COL24A1: variants seen among roughly 807,000 people sequenced by gnomAD.
COL24A1 encodes collagen alpha-1(XXIV) chain.
Under a neutral mutation model 253.9 loss-of-function variants are expected in COL24A1, and 224 were observed. The observed-to-expected ratio is 0.88, with a 90% CI of 0.79 to 0.99. The LOEUF is 0.99. Among genes scored for constraint, COL24A1 ranks in the 50% least tolerant of loss-of-function variants. The probability of loss-of-function intolerance (pLI) is 0.00; values close to 1 mark genes in which losing one functional copy is unlikely to be tolerated. For missense variants in COL24A1, 2,131 were observed against 2,068.5 expected (o/e 1.03, Z -0.59); for synonymous variants, 685 against 673.7 (o/e 1.02, Z -0.26).
chr1:85,840,076 T>C (rs1676434157), intron 42 of COL24A1, among the ~76,000 whole-genome samples: 1 of 152,160 alleles, frequency 6.6e-6, no homozygotes, highest in South Asian at 2.1e-4. Context: ...TTTAATTATT[T>C]AGAATCTTTG....
At chr1:85,802,134 C>T (rs1158280060) in intron 47 of COL24A1, among the ~76,000 whole-genome samples, 2 of 152,138 alleles carry the variant, frequency 1.3e-5, no homozygotes, top group Non-Finnish European at 2.9e-5. Context: ...TGTCCCCTTC[C>T]AATCCATTTA....
At chr1:86,009,363 A>G (rs1696289536) in intron 19 of COL24A1, among the ~76,000 whole-genome samples, 1 of 144,736 alleles carries the variant, frequency 6.9e-6, no homozygotes. Context: ...TGTTCTGAGA[A>G]ACATTTTGTC....
chr1:85,945,916 G>A (rs764055005), intron 24 of COL24A1, among the ~76,000 whole-genome samples: 1 of 152,138 alleles, frequency 6.6e-6, no homozygotes, highest in Non-Finnish European at 1.5e-5. Flanking sequence ...GGCAAAAAGA[G>A]TTAAGAGAGC....
At chr1:85,788,647 T>A (rs1177129651) in intron 47 of COL24A1, among the ~76,000 whole-genome samples, 1 of 152,222 alleles carries the variant, frequency 6.6e-6, no homozygotes, top group Non-Finnish European at 1.5e-5. Context: ...CCAGCCTAAG[T>A]CCTGAATAGT....
intron 7 of COL24A1, among the ~76,000 whole-genome samples, chr1:86,072,604 C>T (rs764449280): frequency 6.6e-6 from 1 of 152,150 alleles, no homozygotes; most frequent in East Asian, 1.9e-4. Flanking sequence ...AAGAGAGCAA[C>T]GGATCTCCCA....
intron 7 of COL24A1, among the ~76,000 whole-genome samples, chr1:86,066,676 A>G (rs1701515953): frequency 6.6e-6 from 1 of 152,166 alleles, no homozygotes. Flanking sequence ...TTTTACCACA[A>G]ACTAGCCATA....
intron 24 of COL24A1, among the ~76,000 whole-genome samples, chr1:85,927,036 T>C (rs748349214): frequency 3.4e-4 from 52 of 152,146 alleles, no homozygotes; most frequent in Admixed American, 1.8e-3. Flanking sequence ...TGTTTGGATA[T>C]GTTTGCCAAA....
At chr1:86,023,432 A>T (rs561780136) in intron 14 of COL24A1, among the ~76,000 whole-genome samples, 1 of 152,164 alleles carries the variant, frequency 6.6e-6, no homozygotes, top group African/African-American at 2.4e-5. Flanking sequence ...TTGAGGAGTT[A>T]CTATGTGCCA....
chr1:86,042,128 A>C (rs139629869), intron 12 of COL24A1, among the ~76,000 whole-genome samples: 140 of 152,286 alleles, frequency 9.2e-4, no homozygotes, highest in African/African-American at 3.2e-3. Flanking sequence ...GACTAATATT[A>C]ACTGTGATTA....
intron 19 of COL24A1, among the ~76,000 whole-genome samples, chr1:85,991,939 T>C (rs1224527718): frequency 6.6e-6 from 1 of 151,936 alleles, no homozygotes; most frequent in Non-Finnish European, 1.5e-5. Flanking sequence ...ACTTTAAGTT[T>C]TAGAGTACAT....
At chr1:86,112,231 A>G (rs1480392094) in intron 5 of COL24A1, among the ~76,000 whole-genome samples, 1 of 152,146 alleles carries the variant, frequency 6.6e-6, no homozygotes, top group Non-Finnish European at 1.5e-5. Context: ...ACAAATTAAA[A>G]CGACCTTAAT....
At chr1:85,840,229 TC>T (rs1676449617) in intron 42 of COL24A1, among the ~76,000 whole-genome samples, 2 of 152,158 alleles carry the variant, frequency 1.3e-5, no homozygotes, top group Non-Finnish European at 2.9e-5. Flanking sequence ...ACTACTATAC[TC>T]CTTTTGCCAA....
chr1:85,942,012 C>T (rs1688800753), intron 24 of COL24A1, among the ~76,000 whole-genome samples: 1 of 152,024 alleles, frequency 6.6e-6, no homozygotes, highest in East Asian at 1.9e-4. Context: ...GAAGTTCCCA[C>T]AGTGTACTTA....
In COL24A1 at chr1:86,124,587, C is replaced by T. The variant is rs1344772937; in HGVS notation, c.1491+258G>A. ...CTGAACAAGAAAAACAAATAGTTTG[C>T]CCACTACTTCACCAGAATTAAGTCA... is the stretch of plus-strand genomic sequence containing the variant. On this transcript the variant is annotated intron_variant, in intron 3 of 59. Coordinates refer to ENST00000370571, the MANE Select transcript of COL24A1 (RefSeq NM_152890.7). Among the ~76,000 whole-genome samples the T allele has an allele frequency of 2.0e-5, 3 of 151,860 alleles. No homozygotes were observed. In the East Asian group the frequency reaches 5.8e-4, roughly 30 times the overall value.
At chr1:86,104,396 C>A (rs538487127) in intron 5 of COL24A1, among the ~76,000 whole-genome samples, 1 of 152,160 alleles carries the variant, frequency 6.6e-6, no homozygotes, top group African/African-American at 2.4e-5. Flanking sequence ...CATCTCAGCC[C>A]AGTTCAGAAC....
Position 85,933,110 on chromosome 1 carries a change from G to GAA in COL24A1, c.2563-21679_2563-21678dup, listed in dbSNP as rs202030543. Among the ~76,000 whole-genome samples the GAA allele has an allele frequency of 1.4e-3, 90 of 66,560 alleles. No individual in the cohort carries two copies. The Middle Eastern group carries it at 0.031, about 23-fold the overall frequency. 43.7% of individuals were successfully genotyped at this position (66,560 alleles called of 152,430 possible). On this transcript the variant is annotated intron_variant, in intron 24 of 59. Transcript: ENST00000370571. ...AATAAAAAAAAAAAAAAGAAAGAAA[G>GAA]AAAAAAAAAAGAATGTGTGTAGGTG...
chr1:86,145,456 G>T (rs552253769), intron 2 of COL24A1, among the ~76,000 whole-genome samples: 2 of 152,026 alleles, frequency 1.3e-5, no homozygotes, highest in East Asian at 3.9e-4. Context: ...CTTTGATAAA[G>T]GCATTTTTTT....
At chr1:85,886,199 C>A (rs531212871) in intron 32 of COL24A1, among the ~76,000 whole-genome samples, 18 of 151,934 alleles carry the variant, frequency 1.2e-4, no homozygotes, top group Admixed American at 4.6e-4. Context: ...AGGTGTGCAC[C>A]ACCACATCTG....
intron 47 of COL24A1, among the ~76,000 whole-genome samples, chr1:85,801,579 A>G (rs1418497176): frequency 6.6e-6 from 1 of 152,208 alleles, no homozygotes; most frequent in Non-Finnish European, 1.5e-5. Context: ...GTCTAAGGAC[A>G]GTAATGGCTT....
Sources: gnomAD v4.1 joint callset for allele counts (sites outside exome capture counted in the v4.1 genomes callset) on GRCh38, gnomAD v4.1.1 for gene constraint, MANE v1.5 for transcripts, NCBI Gene and HGNC (gene_info 2026-07-23, HGNC 2026-07-21) for gene names.